The following ZNF678 variants were observed in gnomAD, a reference collection of about 807,000 sequenced individuals.
The protein encoded by ZNF678 is hypothetical protein MGC42493.
ZNF678 carries 5 observed loss-of-function variants against 3.0 expected under a neutral mutation model. The ratio of observed to expected loss-of-function variants is 1.69; its 90% CI spans 0.88 to 3.56. ZNF678 has a LOEUF of 3.56. ZNF678 is among the 30% of genes most tolerant of loss of function. ZNF678 has a pLI of 0.00. For synonymous variants in ZNF678, 218 were observed against 199.6 expected, an observed-to-expected ratio of 1.09 and a Z score of -0.78; for missense variants, 593 against 605.0, an observed-to-expected ratio of 0.98 and a Z score of 0.21.
At chr1:227,624,125 T>C (rs1658348611) in intron 1 of ZNF678, among the ~76,000 whole-genome samples, 1 of 152,238 alleles carries the variant, frequency 6.6e-6, no homozygotes, top group African/African-American at 2.4e-5. Context: ...ATAAAAATAC[T>C]TATCTGTTTG....
At chr1:227,597,727 A>G (rs1657630412) in intron 1 of ZNF678, among the ~76,000 whole-genome samples, 1 of 152,238 alleles carries the variant, frequency 6.6e-6, no homozygotes, top group East Asian at 1.9e-4. Context: ...GGCTGAATAA[A>G]TAGCTATTTT....
chr1:227,637,611 G>T (rs1658712164), intron 1 of ZNF678, among the ~76,000 whole-genome samples: 1 of 152,152 alleles, frequency 6.6e-6, no homozygotes, highest in South Asian at 2.1e-4. Flanking sequence ...TGAGGTCTGG[G>T]AGAGTGAGGA....
intron 1 of ZNF678, among the ~76,000 whole-genome samples, chr1:227,625,674 C>T (rs528950007): frequency 6.6e-6 from 1 of 152,140 alleles, no homozygotes; most frequent in Admixed American, 6.5e-5. Context: ...AATAGGCTTA[C>T]CGGGTGAGTA....
rs1032621053 is a variant in ZNF678 at position 227,659,294 on chromosome 1, A to G, written c.*3466A>G. 2.0e-5 allele frequency: 3 copies of G among 152,154 alleles called. No homozygotes were observed. Among genetic ancestry groups the G allele is most frequent in the Admixed American group, 6.5e-5 (1 of 15,270 alleles). The allele number at this position is 152,154 out of a possible 1,614,324, so 9.4% of individuals were successfully genotyped here. A position where few individuals can be genotyped will look rare whatever the true frequency, so the allele number is the denominator to read the frequency against. On this transcript the variant is annotated 3_prime_UTR_variant, in exon 4 of 4. Coordinates refer to ENST00000343776, the MANE Select transcript of ZNF678 (RefSeq NM_001367909.1). ...ATGCAGCTTACATTGCAGAGTTTATATAAATAATCACATAACAAGCCAATT... is the reference window on the plus strand; with the variant it reads ...ATGCAGCTTACATTGCAGAGTTTATGTAAATAATCACATAACAAGCCAATT...
intron 1 of ZNF678, among the ~76,000 whole-genome samples, chr1:227,644,360 A>G (rs563898203): frequency 6.6e-6 from 1 of 152,356 alleles, no homozygotes; most frequent in Non-Finnish European, 1.5e-5. Flanking sequence ...TACATGCTCC[A>G]TAAACATGGC....
exon 6 of ZNF678, chr1:227,677,344 C>T (rs936519715): frequency 1.3e-5 from 2 of 152,200 alleles, no homozygotes; most frequent in African/African-American, 4.8e-5. Context: ...GATGTGCAAA[C>T]AGCTGAACAA....
chr1:227,571,549 T>C (rs1033256799), intron 1 of ZNF678, among the ~76,000 whole-genome samples: 2 of 152,252 alleles, frequency 1.3e-5, no homozygotes, highest in African/African-American at 4.8e-5. Flanking sequence ...TAGCCATATG[T>C]GTATTCACAA....
At chr1:227,579,451 C>T (rs963434849) in intron 1 of ZNF678, among the ~76,000 whole-genome samples, 2 of 152,044 alleles carry the variant, frequency 1.3e-5, no homozygotes, top group African/African-American at 4.8e-5. Flanking sequence ...GGCTCTGTGC[C>T]TGCCAAGGCT....
intron 1 of ZNF678, among the ~76,000 whole-genome samples, chr1:227,594,647 A>G (rs553974028): frequency 2.1e-4 from 32 of 152,354 alleles, no homozygotes; most frequent in Admixed American, 3.9e-4. Context: ...TACCAGAGGT[A>G]TATTTTACTT....
At chr1:227,631,411 T>A (rs1198243631) in intron 1 of ZNF678, among the ~76,000 whole-genome samples, 2 of 152,218 alleles carry the variant, frequency 1.3e-5, no homozygotes, top group Non-Finnish European at 2.9e-5. Flanking sequence ...CACTCAGGGA[T>A]GAGTTCTAGA....
intron 2 of ZNF678, among the ~76,000 whole-genome samples, chr1:227,650,253 C>T (rs1156575023): frequency 6.6e-6 from 1 of 152,156 alleles, no homozygotes; most frequent in African/African-American, 2.4e-5. Context: ...GCATCAATTA[C>T]TGAAGCAACT....
chr1:227,674,594 CT>C (rs59416359), intron 5 of ZNF678, among the ~76,000 whole-genome samples: 3,473 of 105,898 alleles, frequency 0.033, 139 homozygotes, highest in African/African-American at 0.11. Context: ...TATAATTTTT[CT>C]TTTTTTTTTT....
chr1:227,611,190 C>G (rs545421838), intron 1 of ZNF678, among the ~76,000 whole-genome samples: 44 of 152,264 alleles, frequency 2.9e-4, no homozygotes, highest in African/African-American at 9.4e-4. Context: ...TAGAGAGGAC[C>G]TAGCTGCCCT....
chr1:227,601,315 C>T lies in ZNF678; in HGVS notation c.-164+37591C>T, dbSNP rs114469274. On this transcript the variant is annotated intron_variant, in intron 1 of 3. Transcript: ENST00000343776. The stretch of plus-strand genomic sequence containing the variant: ...GGAATAGCATTGAATCTGTAAATTG[C>T]TTCGGGCAGTATGACCATTTTAATA... 4.2e-3 allele frequency among the ~76,000 whole-genome samples: 646 copies of T among 152,184 alleles called. 5 individuals are homozygous for T. The highest frequency in any genetic ancestry group is 0.014 in the African/African-American group (597 of 41,534).
At chr1:227,652,525 CTCT>C (rs1382739512) in intron 3 of ZNF678, among the ~76,000 whole-genome samples, 2 of 152,072 alleles carry the variant, frequency 1.3e-5, no homozygotes, top group Non-Finnish European at 2.9e-5. Flanking sequence ...TGCTTCTACT[CTCT>C]TCTTCTGTGT....
Position 227,597,548 on chromosome 1 carries a change from G to A in ZNF678, c.-164+33824G>A, listed in dbSNP as rs78262834. ...AATAATTCCTCTCCCAAGCCAAAGT[G>A]TAATCAAAATTAATTCAAATGACAT... is the stretch of plus-strand genomic sequence containing the variant. On this transcript the variant is annotated intron_variant, in intron 1 of 3. Transcript: ENST00000343776. Among the ~76,000 whole-genome samples, 16 of 152,246 alleles carry A rather than the reference G, an allele frequency of 1.1e-4. No homozygotes were observed. In the East Asian group the frequency reaches 2.5e-3, roughly 24 times the overall value.
intron 1 of ZNF678, among the ~76,000 whole-genome samples, chr1:227,575,778 A>C (rs770183250): frequency 6.6e-6 from 1 of 152,028 alleles, no homozygotes; most frequent in Admixed American, 6.6e-5. Context: ...TTCCATTACT[A>C]TGTTGAATAG....
chr1:227,594,896 A>G (rs1363837097), intron 1 of ZNF678, among the ~76,000 whole-genome samples: 1 of 152,102 alleles, frequency 6.6e-6, no homozygotes, highest in Non-Finnish European at 1.5e-5. Context: ...GCTCACAATG[A>G]GGTTTCCTCT....
At chr1:227,595,255 CCT>C (rs1253077808) in intron 1 of ZNF678, among the ~76,000 whole-genome samples, 6 of 148,654 alleles carry the variant, frequency 4.0e-5, no homozygotes, top group Non-Finnish European at 8.9e-5. Context: ...TCTGTCTCTT[CCT>C]CTCTCTTCTC....
Sources: allele counts gnomAD v4.1 joint callset (sites outside exome capture counted in the v4.1 genomes callset), GRCh38; gene constraint gnomAD v4.1.1; transcripts MANE v1.5; gene names NCBI Gene and HGNC (gene_info 2026-07-23, HGNC 2026-07-21).